NELL1: variants seen among roughly 807,000 people sequenced by gnomAD.
NELL1 encodes protein kinase C-binding protein NELL1.
A neutral mutation model predicts 107.4 loss-of-function variants in NELL1; 76 were observed. The observed-to-expected ratio is 0.71, with a 90% CI of 0.59 to 0.86. The LOEUF is 0.86. NELL1 is among the 40% of genes least tolerant of loss of function. The pLI is 0.00. For missense variants in NELL1, 1,024 were observed against 1,005.5 expected (o/e 1.02, Z -0.25); for synonymous variants, 353 against 341.2 (o/e 1.03, Z -0.38).
chr11:21,079,153 A>G (rs1854208175), intron 12 of NELL1, among the ~76,000 whole-genome samples: 1 of 152,026 alleles, frequency 6.6e-6, no homozygotes, highest in Admixed American at 6.6e-5. Context: ...AAACCTTGAA[A>G]GAATTGTGAG....
intron 5 of NELL1, among the ~76,000 whole-genome samples, chr11:20,911,212 ACAAT>A (rs1435204898): frequency 2.6e-5 from 4 of 152,224 alleles, no homozygotes; most frequent in African/African-American, 4.8e-5. Context: ...AGAGACTTGG[ACAAT>A]CATTTTGCTG....
intron 15 of NELL1, among the ~76,000 whole-genome samples, chr11:21,401,283 C>G (rs753267691): frequency 1.3e-5 from 2 of 151,728 alleles, no homozygotes; most frequent in Non-Finnish European, 2.9e-5. Context: ...TGATATAAGT[C>G]TCCTGGAAAC....
chr11:21,232,137 T>C (rs1590755751), intron 14 of NELL1, among the ~76,000 whole-genome samples: 2 of 57,634 alleles, frequency 3.5e-5, no homozygotes. Flanking sequence ...CCATCTCTAC[T>C]AAAAAAAAAT....
At chr11:20,726,888 T>C (rs34197980) in intron 2 of NELL1, among the ~76,000 whole-genome samples, 41,577 of 151,936 alleles carry the variant, frequency 0.27, 6,197 homozygotes, top group South Asian at 0.4. Flanking sequence ...AGAATGATGG[T>C]TTCCAGCTTC....
chr11:21,313,432 G>C (rs1849792505), intron 14 of NELL1, among the ~76,000 whole-genome samples: 1 of 152,132 alleles, frequency 6.6e-6, no homozygotes, highest in Non-Finnish European at 1.5e-5. Context: ...TATCCAATTA[G>C]GCATTCAACA....
intron 2 of NELL1, among the ~76,000 whole-genome samples, chr11:20,746,566 T>TCACA (rs10556247): frequency 0.018 from 2,657 of 149,344 alleles, 35 homozygotes; most frequent in African/African-American, 0.032. Flanking sequence ...GTGACAGATT[T>TCACA]CACACACACA....
In NELL1 at chr11:21,118,601, C is replaced by A. The variant is rs371752978; in HGVS notation, c.1426+4887C>A. ...AAATGTCTTTTCAAATGTTTCATTG[C>A]CAGATGATTATTTGTTGGGAGAAAT... is the stretch of plus-strand genomic sequence containing the variant. On this transcript the variant is annotated intron_variant, in intron 13 of 19. Transcript: ENST00000357134. Among the ~76,000 whole-genome samples, 7 of 152,014 alleles carry A rather than the reference C, an allele frequency of 4.6e-5. No homozygotes were observed. The South Asian group carries it at 6.2e-4, about 13-fold the overall frequency.
At chr11:21,137,517 T>G (rs1855770145) in intron 13 of NELL1, among the ~76,000 whole-genome samples, 1 of 152,178 alleles carries the variant, frequency 6.6e-6, no homozygotes, top group African/African-American at 2.4e-5. Flanking sequence ...AGAGACATTT[T>G]GATAGAAAGT....
intron 14 of NELL1, among the ~76,000 whole-genome samples, chr11:21,264,071 G>GATGTGTGTGTGT (rs1554989862): frequency 4.3e-5 from 6 of 139,436 alleles, no homozygotes; most frequent in Non-Finnish European, 9.3e-5. Context: ...TCTACAATGG[G>GATGTGTGTGTGT]GTGTGTGTGT....
chr11:21,306,598 G>A (rs1416042787), intron 14 of NELL1, among the ~76,000 whole-genome samples: 2 of 152,058 alleles, frequency 1.3e-5, no homozygotes, highest in East Asian at 1.9e-4. Flanking sequence ...AAAATTAACA[G>A]CCTCAGTTCT....
At chr11:21,144,874 T>C (rs1855943652) in intron 13 of NELL1, among the ~76,000 whole-genome samples, 1 of 152,178 alleles carries the variant, frequency 6.6e-6, no homozygotes, top group Non-Finnish European at 1.5e-5. Flanking sequence ...AGTTCTAAAA[T>C]GCTGTTTCAT....
intron 1 of NELL1, among the ~76,000 whole-genome samples, chr11:20,674,958 C>T (rs1256321063): frequency 6.6e-6 from 1 of 152,260 alleles, no homozygotes; most frequent in East Asian, 1.9e-4. Context: ...TGGCTTAAAG[C>T]AAACCATTGA....
intron 15 of NELL1, among the ~76,000 whole-genome samples, chr11:21,526,562 T>C (rs568145448): frequency 2.0e-5 from 3 of 152,336 alleles, no homozygotes; most frequent in African/African-American, 7.2e-5. Flanking sequence ...AGGTTCTTCA[T>C]GAAGGCTCTG....
intron 15 of NELL1, among the ~76,000 whole-genome samples, chr11:21,387,418 A>G (rs140830795): frequency 1.3e-5 from 2 of 151,982 alleles, no homozygotes; most frequent in African/African-American, 2.4e-5. Context: ...TTGCTGCTAC[A>G]GCCCAGCTCT....
chr11:20,707,825 C>T (rs1278093729), intron 2 of NELL1, among the ~76,000 whole-genome samples: 1 of 152,212 alleles, frequency 6.6e-6, no homozygotes, highest in Non-Finnish European at 1.5e-5. Flanking sequence ...TCTGTCCATT[C>T]TCAGATCTCA....
rs376358540 is a variant in NELL1, at chr11:21,570,958, A to C, written c.2157+18A>C. The C allele has an allele frequency of 3.1e-6, 5 of 1,607,620 alleles. No homozygotes were observed. ...GGTGTCTGGTATGTTGGCTTCCTTT[A>C]TAAGGTGTTGAGCCTTTACTCTGAA... On this transcript the variant is annotated intron_variant, in intron 18 of 19. Transcript: ENST00000357134.
intron 2 of NELL1, among the ~76,000 whole-genome samples, chr11:20,766,118 G>A (rs986776689): frequency 6.6e-6 from 1 of 152,204 alleles, no homozygotes; most frequent in Non-Finnish European, 1.5e-5. Flanking sequence ...CTATTCAAGG[G>A]AGTGAGGAAG....
chr11:20,893,411 TAAAA>T (rs1474722942), intron 5 of NELL1, among the ~76,000 whole-genome samples: 1 of 150,952 alleles, frequency 6.6e-6, no homozygotes, highest in Non-Finnish European at 1.5e-5. Context: ...AAATTAAAAT[TAAAA>T]AAATATTGAC....
At chr11:21,382,198 A>G (rs1175826596) in intron 15 of NELL1, among the ~76,000 whole-genome samples, 1 of 151,868 alleles carries the variant, frequency 6.6e-6, no homozygotes, top group Non-Finnish European at 1.5e-5. Flanking sequence ...AGCAATGTGA[A>G]TAGGGACAAC....
Sources: gnomAD v4.1 joint callset for allele counts (sites outside exome capture counted in the v4.1 genomes callset) on GRCh38, gnomAD v4.1.1 for gene constraint, MANE v1.5 for transcripts, NCBI Gene and HGNC (gene_info 2026-07-23, HGNC 2026-07-21) for gene names.